FAF1: variants seen among roughly 807,000 people sequenced by gnomAD.
FAF1 encodes FAS-associated factor 1.
A neutral mutation model predicts 92.5 loss-of-function variants in FAF1; 25 were observed. The ratio of observed to expected loss-of-function variants is 0.27; its 90% CI spans 0.20 to 0.38. The LOEUF (loss-of-function observed/expected upper bound fraction) is 0.38. FAF1 is among the 10% of genes least tolerant of loss of function. FAF1 has a pLI of 1.00. For synonymous variants in FAF1, 234 were observed against 273.2 expected (o/e 0.86, Z 1.42); for missense variants, 636 against 793.3 (o/e 0.80, Z 2.38).
intron 13 of FAF1, among the ~76,000 whole-genome samples, chr1:50,555,787 T>C (rs559860386): frequency 7.9e-5 from 12 of 152,288 alleles, no homozygotes; most frequent in African/African-American, 2.4e-4. Context: ...AAAGTCATTA[T>C]ATCAAAAAGA....
intron 1 of FAF1, among the ~76,000 whole-genome samples, chr1:50,886,449 C>A (rs554310297): frequency 1.1e-4 from 17 of 152,132 alleles, no homozygotes; most frequent in African/African-American, 3.6e-4. Context: ...TAGATATGTA[C>A]ACATGTGCCA....
chr1:50,514,752 C>A (rs1019247823), intron 15 of FAF1, among the ~76,000 whole-genome samples: 3 of 152,180 alleles, frequency 2.0e-5, no homozygotes, highest in Non-Finnish European at 4.4e-5. Context: ...GGATTTAGGA[C>A]TGGCTTACTA....
At chr1:50,486,553 C>T (rs573007936) in intron 17 of FAF1, among the ~76,000 whole-genome samples, 2 of 151,910 alleles carry the variant, frequency 1.3e-5, no homozygotes, top group South Asian at 2.1e-4. Flanking sequence ...ACGGGCGCAC[C>T]GTGAAGTCTT....
intron 1 of FAF1, among the ~76,000 whole-genome samples, chr1:50,927,215 C>G (rs1449391930): frequency 6.6e-6 from 1 of 152,064 alleles, no homozygotes; most frequent in African/African-American, 2.4e-5. Context: ...TACCACTGAA[C>G]TGTATGTTTA....
intron 1 of FAF1, among the ~76,000 whole-genome samples, chr1:50,928,545 A>G (rs1187852700): frequency 6.6e-6 from 1 of 151,944 alleles, no homozygotes; most frequent in East Asian, 1.9e-4. Context: ...GCACTTTGGG[A>G]GATCAAGGTG....
chr1:50,598,600 T>C (rs1651943213), intron 8 of FAF1, among the ~76,000 whole-genome samples: 1 of 152,034 alleles, frequency 6.6e-6, no homozygotes, highest in Admixed American at 6.6e-5. Flanking sequence ...AGTGAGTGAA[T>C]ACTCAAAGTC....
chr1:50,861,793 T>A (rs1644435014), intron 1 of FAF1, among the ~76,000 whole-genome samples: 1 of 151,568 alleles, frequency 6.6e-6, no homozygotes, highest in South Asian at 2.1e-4. Flanking sequence ...AAAGGAAAAC[T>A]AAATAATTAA....
At chr1:50,933,505 T>C (rs895877959) in intron 1 of FAF1, among the ~76,000 whole-genome samples, 1 of 152,194 alleles carries the variant, frequency 6.6e-6, no homozygotes, top group Admixed American at 6.5e-5. Context: ...TGGACCTTAT[T>C]GTTCATATCA....
intron 7 of FAF1, among the ~76,000 whole-genome samples, chr1:50,655,918 T>C (rs1432279322): frequency 7.2e-5 from 11 of 152,138 alleles, no homozygotes; most frequent in Admixed American, 7.2e-4. Context: ...TTCAAGTTTC[T>C]ATGTGGAATA....
At chr1:50,769,725 C>T (rs1004141074) in intron 4 of FAF1, among the ~76,000 whole-genome samples, 2 of 152,082 alleles carry the variant, frequency 1.3e-5, no homozygotes, top group African/African-American at 2.4e-5. Context: ...ACAGAAAAGG[C>T]TTTCAATAAA....
intron 1 of FAF1, among the ~76,000 whole-genome samples, chr1:50,879,204 C>CACT (rs1373245776): frequency 6.6e-6 from 1 of 152,118 alleles, no homozygotes; most frequent in African/African-American, 2.4e-5. Flanking sequence ...AAGATTGCGC[C>CACT]ACTGCACTCC....
intron 1 of FAF1, among the ~76,000 whole-genome samples, chr1:50,863,355 C>T (rs572024966): frequency 6.6e-6 from 1 of 151,934 alleles, no homozygotes; most frequent in East Asian, 1.9e-4. Flanking sequence ...CTCTGGGATA[C>T]AGCAAAAGTG....
chr1:50,838,108 A>G (rs1423963013), intron 2 of FAF1, among the ~76,000 whole-genome samples: 3 of 152,186 alleles, frequency 2.0e-5, no homozygotes, highest in Non-Finnish European at 4.4e-5. Flanking sequence ...TTAAAAAAAA[A>G]TCAAATCATA....
intron 8 of FAF1, among the ~76,000 whole-genome samples, chr1:50,629,488 G>A (rs1019123508): frequency 1.3e-5 from 2 of 152,002 alleles, no homozygotes; most frequent in Non-Finnish European, 2.9e-5. Context: ...GATTCTTTAA[G>A]GAAAATCTCT....
At chr1:50,864,928 C>T (rs1644467422) in intron 1 of FAF1, among the ~76,000 whole-genome samples, 1 of 151,900 alleles carries the variant, frequency 6.6e-6, no homozygotes, top group Admixed American at 6.6e-5. Context: ...AGAAAATTTT[C>T]ACAACCTACT....
intron 8 of FAF1, among the ~76,000 whole-genome samples, chr1:50,620,027 A>G (rs1319062657): frequency 3.3e-5 from 5 of 151,638 alleles, no homozygotes; most frequent in African/African-American, 1.2e-4. Context: ...TCCTGCCTCA[A>G]CTTCCCAAGT....
chr1:50,856,511 T>A (rs1397065871), intron 2 of FAF1, among the ~76,000 whole-genome samples: 1 of 151,746 alleles, frequency 6.6e-6, no homozygotes, highest in Non-Finnish European at 1.5e-5. Context: ...TTTGTAAATT[T>A]TGACAAGTAC....
At chr1:50,775,617 G>A (rs1017083893) in intron 4 of FAF1, among the ~76,000 whole-genome samples, 3 of 151,994 alleles carry the variant, frequency 2.0e-5, no homozygotes, top group Non-Finnish European at 2.9e-5. Context: ...AGGCACATGA[G>A]GAGATGCGTG....
At chr1:50,831,095 C>T (rs1363825074) in intron 2 of FAF1, among the ~76,000 whole-genome samples, 1 of 151,960 alleles carries the variant, frequency 6.6e-6, no homozygotes, top group Non-Finnish European at 1.5e-5. Context: ...AAAAATTCAA[C>T]ATATGCTAAA....
Sources: gnomAD v4.1 joint callset for allele counts (sites outside exome capture counted in the v4.1 genomes callset) on GRCh38, gnomAD v4.1.1 for gene constraint, MANE v1.5 for transcripts, NCBI Gene and HGNC (gene_info 2026-07-23, HGNC 2026-07-21) for gene names.